The following NIPBL variants were observed in gnomAD, a reference collection of about 807,000 sequenced individuals.
The protein encoded by NIPBL is NIPBL cohesin loading factor, also known as nipped-B-like protein.
Under a neutral mutation model 321.8 loss-of-function variants are expected in NIPBL, and 19 were observed. The ratio of observed to expected loss-of-function variants is 0.06; its 90% CI spans 0.04 to 0.09. The LOEUF (loss-of-function observed/expected upper bound fraction) is 0.09, where lower values mean the gene tolerates loss of function less well. NIPBL is among the 10% of genes least tolerant of loss of function. The probability of loss-of-function intolerance (pLI) is 1.00; values close to 1 mark genes in which losing one functional copy is unlikely to be tolerated. For missense variants in NIPBL, 2,210 were observed against 3,327.0 expected (o/e 0.66, Z 8.26); for synonymous variants, 1,106 against 1,114.1 (o/e 0.99, Z 0.14).
At position 36,876,905 on chromosome 5, in the gene NIPBL, C is replaced by A. The variant is rs1580120142; in HGVS notation, c.-353C>A. The A allele has an allele frequency of 7.6e-6, 3 of 396,204 alleles. No individual in the cohort carries two copies. In the East Asian group the frequency reaches 1.1e-4, roughly 14 times the overall value. 24.5% of individuals were successfully genotyped at this position (396,204 alleles called of 1,614,324 possible). A position where few individuals can be genotyped will look rare whatever the true frequency, so the allele number is the denominator to read the frequency against. On this transcript the variant is annotated 5_prime_UTR_variant, in exon 1 of 47. Transcript: ENST00000282516. ...CCGCAGGGAGGGACGCCCCCGCCGA[C>A]AGGAGAATTGGTTCCCGGGCCCGCG...
At chr5:36,925,081 T>A (rs899122525) in intron 1 of NIPBL, among the ~76,000 whole-genome samples, 1 of 152,210 alleles carries the variant, frequency 6.6e-6, no homozygotes, top group Non-Finnish European at 1.5e-5. Context: ...TCAATATCTG[T>A]CTGACAGGAA....
intron 1 of NIPBL, among the ~76,000 whole-genome samples, chr5:36,932,135 A>C (rs1381948691): frequency 6.6e-6 from 1 of 152,020 alleles, no homozygotes; most frequent in African/African-American, 2.4e-5. Flanking sequence ...TTTGTTGTAA[A>C]TTTAATGAGA....
At chr5:36,955,352 C>G (rs1740822883) in intron 2 of NIPBL, 120 bp from the exon 3 acceptor site, 1 of 835,632 alleles carries the variant, frequency 1.2e-6, no homozygotes. Context: ...AGGAGGAATG[C>G]CTTTTAATAA....
chr5:37,018,514 C>T (rs1042897036), intron 24 of NIPBL, among the ~76,000 whole-genome samples: 1 of 152,088 alleles, frequency 6.6e-6, no homozygotes, highest in Admixed American at 6.6e-5. Flanking sequence ...CTACCCCTGC[C>T]CTGGGATCAG....
At chr5:36,959,075 T>A (rs1012203101) in intron 4 of NIPBL, among the ~76,000 whole-genome samples, 1 of 152,060 alleles carries the variant, frequency 6.6e-6, no homozygotes, top group Non-Finnish European at 1.5e-5. Context: ...GGCATTATGG[T>A]GTGCGCCTGT....
chr5:36,967,507 A>G (rs1004945022), intron 6 of NIPBL, among the ~76,000 whole-genome samples: 10 of 152,108 alleles, frequency 6.6e-5, no homozygotes, highest in Non-Finnish European at 8.8e-5. Flanking sequence ...GAAAAACAGC[A>G]ACACTTTCTT....
chr5:37,034,200 A>G (rs535337059), intron 32 of NIPBL, among the ~76,000 whole-genome samples: 2 of 152,324 alleles, frequency 1.3e-5, no homozygotes, highest in Admixed American at 1.3e-4. Flanking sequence ...CATTTTATTG[A>G]CAAAAATGGA....
chr5:36,949,676 T>C (rs551711232), intron 1 of NIPBL, among the ~76,000 whole-genome samples: 1 of 152,032 alleles, frequency 6.6e-6, no homozygotes, highest in Admixed American at 6.5e-5. Context: ...GAAAAAATGA[T>C]GCATTTTTTT....
rs1267228182 is a variant in NIPBL, at chr5:36,985,537, C to T, written c.2357C>T (p.Thr786Ile). 10 of 1,613,588 alleles carry T rather than the reference C, an allele frequency of 6.2e-6. No individual in the cohort carries two copies. Among genetic ancestry groups the T allele is most frequent in the Non-Finnish European group, 8.5e-6 (10 of 1,179,932 alleles). The change falls in exon 10 of 47, where the codon ACT becomes ATT. Residue 786 changes from threonine (T) to isoleucine (I), a missense_variant. This residue lies in a region of NIPBL where 588 missense variants were observed against 564.1 expected (regional missense o/e 1.04). Coordinates refer to ENST00000282516, the MANE Select transcript of NIPBL (RefSeq NM_133433.4). The stretch of plus-strand genomic sequence containing the variant: ...GAAGTGTCTAAACATAAACAAGATA[C>T]TAAATCTGACTCACCTCGGTTAAAA... ...KPEVSKHKQD[T>I]KSDSPRLKSE...
intron 1 of NIPBL, among the ~76,000 whole-genome samples, chr5:36,880,719 T>G (rs1179519635): frequency 2.6e-5 from 4 of 152,070 alleles, no homozygotes; most frequent in African/African-American, 9.7e-5. Flanking sequence ...GATGGACTTT[T>G]TAAGCAAAGT....
intron 43 of NIPBL, among the ~76,000 whole-genome samples, chr5:37,057,831 G>T (rs1271928894): frequency 1.3e-5 from 2 of 152,058 alleles, no homozygotes; most frequent in African/African-American, 4.8e-5. Context: ...ACCTTCCATT[G>T]TTTCTGTCAT....
chr5:36,937,421 T>C (rs756114596), intron 1 of NIPBL, among the ~76,000 whole-genome samples: 7 of 152,208 alleles, frequency 4.6e-5, no homozygotes, highest in Non-Finnish European at 1.0e-4. Context: ...TCTGCATTCC[T>C]CTGAATATTT....
chr5:36,950,096 G>A (rs538969594), intron 1 of NIPBL, among the ~76,000 whole-genome samples: 12 of 151,866 alleles, frequency 7.9e-5, no homozygotes, highest in East Asian at 5.8e-4. Flanking sequence ...GCTTTCTGTC[G>A]CCAGTATTTA....
At chr5:36,989,624 G>A (rs1473122515) in intron 10 of NIPBL, among the ~76,000 whole-genome samples, 1 of 151,962 alleles carries the variant, frequency 6.6e-6, no homozygotes, top group Non-Finnish European at 1.5e-5. Flanking sequence ...GATCATTTGA[G>A]GTCAAGAGTT....
At chr5:36,908,934 A>T (rs1164346151) in intron 1 of NIPBL, among the ~76,000 whole-genome samples, 1 of 152,270 alleles carries the variant, frequency 6.6e-6, no homozygotes, top group African/African-American at 2.4e-5. Context: ...AATACTTTAC[A>T]GAGCTATTAT....
At position 36,996,219 on chromosome 5, in the gene NIPBL, C is replaced by G. The variant is rs1746130476; in HGVS notation, c.3304+415C>G. Among the ~76,000 whole-genome samples the G allele has an allele frequency of 6.6e-6, 1 of 152,124 alleles. No individual in the cohort carries two copies. The highest frequency in any genetic ancestry group is 1.5e-5 in the Non-Finnish European group (1 of 68,020). ...CAATGATAACAGTAAATCCAGGGTG[C>G]TATGGGAACACATTGGATTGGCATC... On this transcript the variant is annotated intron_variant, in intron 11 of 46. Transcript: ENST00000282516. This position sits in a 1 kb window ranked among gnomAD's most constrained non-coding sequence, Gnocchi z 5.0.
intron 1 of NIPBL, among the ~76,000 whole-genome samples, chr5:36,921,948 G>A (rs1312350831): frequency 2.0e-5 from 3 of 150,604 alleles, no homozygotes; most frequent in African/African-American, 4.9e-5. Context: ...GTTCAGTGGC[G>A]TGATCTCAGC....
intron 8 of NIPBL, among the ~76,000 whole-genome samples, chr5:36,972,789 G>T: frequency 6.9e-6 from 1 of 145,938 alleles, no homozygotes; most frequent in African/African-American, 2.6e-5. Flanking sequence ...CAACTATTTA[G>T]TCATTTATCA....
At chr5:36,877,752 C>A (rs1561337349) in intron 1 of NIPBL, among the ~76,000 whole-genome samples, 1 of 152,196 alleles carries the variant, frequency 6.6e-6, no homozygotes, top group Non-Finnish European at 1.5e-5. Flanking sequence ...GTAATTCTTT[C>A]TCTTTCTAAA....
Sources: gnomAD v4.1 joint callset for allele counts (sites outside exome capture counted in the v4.1 genomes callset) on GRCh38, gnomAD v4.1.1 for gene constraint, gnomAD v4.1.1 regional missense constraint, Gnocchi (gnomAD v3.1) non-coding constraint, MANE v1.5 for transcripts, NCBI Gene and HGNC (gene_info 2026-07-23, HGNC 2026-07-21) for gene names.